Variants in STXBP5L observed in about 807,000 individuals in gnomAD.
The protein encoded by STXBP5L is syntaxin binding protein 5L, also known as syntaxin-binding protein 5-like.
Under a neutral mutation model 144.5 loss-of-function variants are expected in STXBP5L, and 65 were observed. That is an observed-to-expected ratio of 0.45 (90% CI 0.37 to 0.55). STXBP5L has a LOEUF of 0.55. Ranked by LOEUF, STXBP5L falls within the 20% of genes least tolerant of loss-of-function variation. The pLI is 0.00. For synonymous variants in STXBP5L, 505 were observed against 469.6 expected, an observed-to-expected ratio of 1.08 and a Z score of -0.97; for missense variants, 1,298 against 1,405.5, an observed-to-expected ratio of 0.92 and a Z score of 1.22.
chr3:121,097,360 A>C (rs2043182338), intron 5 of STXBP5L, among the ~76,000 whole-genome samples: 1 of 152,132 alleles, frequency 6.6e-6, no homozygotes, highest in Non-Finnish European at 1.5e-5. Flanking sequence ...TGGGGTATGG[A>C]AAGAAAAACA....
At chr3:121,012,545 C>T (rs1467959538) in intron 3 of STXBP5L, among the ~76,000 whole-genome samples, 1 of 151,716 alleles carries the variant, frequency 6.6e-6, no homozygotes, top group African/African-American at 2.4e-5. Context: ...AGTGGTATTT[C>T]ATGGTGGTTT....
intron 3 of STXBP5L, among the ~76,000 whole-genome samples, chr3:121,007,632 G>A (rs1944440605): frequency 6.6e-6 from 1 of 151,988 alleles, no homozygotes; most frequent in Admixed American, 6.6e-5. Context: ...CGCAGCAGGA[G>A]ATAACAGGAT....
Position 121,058,049 on chromosome 3 carries a change from C to A in STXBP5L, c.470+12514C>A, listed in dbSNP as rs777560803. Among the ~76,000 whole-genome samples the A allele has an allele frequency of 5.5e-4, 84 of 152,058 alleles. 1 individual carries two copies. Among genetic ancestry groups the A allele is most frequent in the Admixed American group, 3.3e-4 (5 of 15,244 alleles). On this transcript the variant is annotated intron_variant, in intron 5 of 26. Transcript: ENST00000471454. ...AGTGCAGGTTTGTTACATAGGTATA[C>A]AAGTGCCATGGTGGTTTGCTGCACT...
At chr3:121,029,945 C>A (rs370155294) in intron 3 of STXBP5L, among the ~76,000 whole-genome samples, 1 of 152,066 alleles carries the variant, frequency 6.6e-6, no homozygotes, top group South Asian at 2.1e-4. Context: ...CATCGCTGGT[C>A]ATTAGAGAAA....
intron 5 of STXBP5L, among the ~76,000 whole-genome samples, chr3:121,092,820 T>C (rs536025142): frequency 2.2e-4 from 34 of 152,044 alleles, no homozygotes; most frequent in Non-Finnish European, 3.5e-4. Flanking sequence ...TGAATAGGAG[T>C]GGTGAGAGAG....
intron 3 of STXBP5L, among the ~76,000 whole-genome samples, chr3:120,988,987 C>T (rs1310770888): frequency 2.0e-5 from 3 of 152,078 alleles, no homozygotes; most frequent in African/African-American, 4.8e-5. Flanking sequence ...TTGCAAAAGA[C>T]ATGATTTCAT....
chr3:121,075,763 T>C (rs2041993459), intron 5 of STXBP5L, among the ~76,000 whole-genome samples: 1 of 152,146 alleles, frequency 6.6e-6, no homozygotes, highest in Non-Finnish European at 1.5e-5. Flanking sequence ...TTGATACTGC[T>C]CCAAACTTTG....
chr3:121,014,149 A>T (rs897581914), intron 3 of STXBP5L, among the ~76,000 whole-genome samples: 1 of 151,308 alleles, frequency 6.6e-6, no homozygotes, highest in Non-Finnish European at 1.5e-5. Flanking sequence ...GAATTTTAGA[A>T]TTTTTTTTTC....
intron 3 of STXBP5L, among the ~76,000 whole-genome samples, chr3:120,982,405 G>A (rs1941869884): frequency 6.6e-6 from 1 of 152,150 alleles, no homozygotes; most frequent in African/African-American, 2.4e-5. Context: ...AGCTCCTGGT[G>A]AAATGTACTG....
chr3:120,924,042 C>T (rs1007565166), intron 2 of STXBP5L, among the ~76,000 whole-genome samples: 8 of 152,080 alleles, frequency 5.3e-5, no homozygotes, highest in African/African-American at 1.9e-4. Flanking sequence ...TTCTCAAAGA[C>T]GTTTCTCCTA....
At chr3:120,997,344 T>C (rs1328508212) in intron 3 of STXBP5L, among the ~76,000 whole-genome samples, 1 of 152,220 alleles carries the variant, frequency 6.6e-6, no homozygotes, top group Non-Finnish European at 1.5e-5. Flanking sequence ...AGTTCTGTTT[T>C]AAGTTCTTTG....
At chr3:121,088,170 G>T in intron 5 of STXBP5L, among the ~76,000 whole-genome samples, 2 of 147,190 alleles carry the variant, frequency 1.4e-5, no homozygotes, top group South Asian at 2.2e-4. Flanking sequence ...CAACATGGGA[G>T]AAAATTTTCG....
At chr3:121,067,378 G>C (rs1276828407) in intron 5 of STXBP5L, among the ~76,000 whole-genome samples, 1 of 151,798 alleles carries the variant, frequency 6.6e-6, no homozygotes, top group Non-Finnish European at 1.5e-5. Context: ...TTTTCCTATA[G>C]TTTCTTATTT....
chr3:121,105,087 A>G (rs1241709661), intron 5 of STXBP5L, among the ~76,000 whole-genome samples: 2 of 152,184 alleles, frequency 1.3e-5, no homozygotes, highest in African/African-American at 2.4e-5. Flanking sequence ...AAGGACATGA[A>G]TAGACAGTTC....
intron 7 of STXBP5L, among the ~76,000 whole-genome samples, chr3:121,128,175 G>A (rs2044801912): frequency 6.6e-6 from 1 of 152,010 alleles, no homozygotes; most frequent in Admixed American, 6.6e-5. Context: ...CTAGAGGAGG[G>A]TTTATTTTTA....
chr3:120,926,937 CT>C (rs59336376), intron 2 of STXBP5L, among the ~76,000 whole-genome samples: 36,128 of 133,768 alleles, frequency 0.27, 4,092 homozygotes, highest in Non-Finnish European at 0.35. Flanking sequence ...TCTTTCCTTT[CT>C]TTTTTTTTTT....
chr3:121,378,669 TAA>T (rs777314491), intron 20 of STXBP5L, 45 bp from the exon 21 acceptor site: 93 of 1,582,794 alleles, frequency 5.9e-5, no homozygotes, highest in Non-Finnish European at 7.7e-5. Context: ...TCCTTTGTAT[TAA>T]GAGTTAATCA....
chr3:121,387,357 C>T (rs2046451559), intron 22 of STXBP5L, among the ~76,000 whole-genome samples: 1 of 152,128 alleles, frequency 6.6e-6, no homozygotes, highest in Non-Finnish European at 1.5e-5. Context: ...CTGTAGGTTG[C>T]CTGTTCACTC....
At chr3:121,000,409 A>G (rs597415) in intron 3 of STXBP5L, among the ~76,000 whole-genome samples, 32,468 of 151,940 alleles carry the variant, frequency 0.21, 3,695 homozygotes, top group Non-Finnish European at 0.26. Context: ...TGCTGTTAGT[A>G]TTTCCAATTG....
Sources: gnomAD v4.1 joint callset for allele counts (sites outside exome capture counted in the v4.1 genomes callset) on GRCh38, gnomAD v4.1.1 for gene constraint, MANE v1.5 for transcripts, NCBI Gene and HGNC (gene_info 2026-07-23, HGNC 2026-07-21) for gene names.